Variants in RNLS observed in about 807,000 individuals in gnomAD.
RNLS encodes the protein renalase.
RNLS carries 39 observed loss-of-function variants against 39.8 expected under a neutral mutation model. The observed-to-expected ratio is 0.98, with a 90% CI of 0.76 to 1.28. The LOEUF is 1.28. RNLS is among the 50% of genes most tolerant of loss of function. The pLI, the probability that RNLS is intolerant of heterozygous loss-of-function variation, is 0.00. For missense variants in RNLS, 410 were observed against 413.3 expected, an observed-to-expected ratio of 0.99 and a Z score of 0.07; for synonymous variants, 147 against 150.7, an observed-to-expected ratio of 0.98 and a Z score of 0.18.
chr10:88,404,061 CA>C (rs896647314), intron 4 of RNLS, among the ~76,000 whole-genome samples: 62 of 151,158 alleles, frequency 4.1e-4, no homozygotes, highest in Non-Finnish European at 8.6e-4. Context: ...CAAAAAAGGA[CA>C]AAAAAAATGG....
At chr10:88,310,142 G>C (rs1438398068) in intron 6 of RNLS, among the ~76,000 whole-genome samples, 4 of 152,206 alleles carry the variant, frequency 2.6e-5, no homozygotes, top group Admixed American at 2.6e-4. Flanking sequence ...AGCCGGGGAA[G>C]TCGAGGCTGC....
chr10:88,310,824 A>AAAAAAAAAAAAAAAAAAAAG lies in RNLS; in HGVS notation c.876+3641_876+3642insCTTTTTTTTTTTTTTTTTTT, dbSNP rs1217903555. On this transcript the variant is annotated intron_variant, in intron 6 of 6. Transcript: ENST00000331772. ...GCCAAAAAAAAAAAAAAAAAAAAAA[A>AAAAAAAAAAAAAAAAAAAAG]AAAGAAAGAAAAGGAAGAGAAAAGG... Among the ~76,000 whole-genome samples the AAAAAAAAAAAAAAAAAAAAG allele has an allele frequency of 2.3e-3, 266 of 113,356 alleles. 14 individuals are homozygous for AAAAAAAAAAAAAAAAAAAAG. Among genetic ancestry groups the AAAAAAAAAAAAAAAAAAAAG allele is most frequent in the Middle Eastern group, 4.4e-3 (1 of 226 alleles). The allele number at this position is 113,356 out of a possible 152,430, so 74.4% of individuals were successfully genotyped here. A position where few individuals can be genotyped will look rare whatever the true frequency, so the allele number is the denominator to read the frequency against.
chr10:88,212,953 T>G, the RNLS span, among the ~76,000 whole-genome samples: 7 of 152,208 alleles, frequency 4.6e-5, no homozygotes, highest in South Asian at 2.1e-4. Flanking sequence ...TTACTTCAAA[T>G]GTGTGATTCA....
At chr10:88,235,058 G>A in the RNLS span, among the ~76,000 whole-genome samples, 4 of 151,886 alleles carry the variant, frequency 2.6e-5, no homozygotes, top group Non-Finnish European at 5.9e-5. Flanking sequence ...TCAGGAGATC[G>A]AGACCATCCT....
At chr10:88,304,665 C>T (rs1844793894) in intron 6 of RNLS, among the ~76,000 whole-genome samples, 2 of 152,198 alleles carry the variant, frequency 1.3e-5, no homozygotes, top group East Asian at 1.9e-4. Flanking sequence ...AAGGAGTGAA[C>T]TAAACCTCCA....
intron 4 of RNLS, among the ~76,000 whole-genome samples, chr10:88,518,299 T>C (rs1350621472): frequency 6.6e-6 from 1 of 152,002 alleles, no homozygotes; most frequent in South Asian, 2.1e-4. Context: ...ATAGTATGCA[T>C]CTGTTCATTT....
At chr10:88,536,149 T>G (rs1036217373) in intron 4 of RNLS, among the ~76,000 whole-genome samples, 3 of 152,112 alleles carry the variant, frequency 2.0e-5, no homozygotes, top group Non-Finnish European at 2.9e-5. Context: ...GGCCATATAC[T>G]GGGTATAATA....
chr10:88,383,139 C>T (rs1166423741), intron 4 of RNLS, among the ~76,000 whole-genome samples: 1 of 151,970 alleles, frequency 6.6e-6, no homozygotes, highest in Non-Finnish European at 1.5e-5. Context: ...CATCATTAGT[C>T]CTGTAAAGTT....
At chr10:88,517,492 G>A (rs954605825) in intron 4 of RNLS, among the ~76,000 whole-genome samples, 9 of 151,686 alleles carry the variant, frequency 5.9e-5, no homozygotes, top group Non-Finnish European at 1.0e-4. Context: ...TGTCTCAAAC[G>A]TTTACTTTGA....
At chr10:88,489,893 C>A (rs999575447) in intron 4 of RNLS, among the ~76,000 whole-genome samples, 52 of 152,106 alleles carry the variant, frequency 3.4e-4, no homozygotes, top group African/African-American at 1.2e-3. Flanking sequence ...TGACTGAACC[C>A]CTAACTCTTT....
intron 4 of RNLS, among the ~76,000 whole-genome samples, chr10:88,495,482 G>A (rs564293696): frequency 6.6e-6 from 1 of 152,194 alleles, no homozygotes; most frequent in Admixed American, 6.5e-5. Context: ...TATTATCTTT[G>A]TAAAAAAGTG....
At chr10:88,298,862 A>ATTGC (rs1441375759) in intron 6 of RNLS, among the ~76,000 whole-genome samples, 1 of 152,148 alleles carries the variant, frequency 6.6e-6, no homozygotes, top group Admixed American at 6.6e-5. Context: ...TGCAAAGGCC[A>ATTGC]TTGCAATTTT....
intron 4 of RNLS, among the ~76,000 whole-genome samples, chr10:88,380,524 C>T (rs546394133): frequency 5.9e-5 from 9 of 151,300 alleles, no homozygotes; most frequent in East Asian, 3.9e-4. Context: ...CACAGGCGCC[C>T]GCCACCATGC....
chr10:88,212,930 A>C, the RNLS span, among the ~76,000 whole-genome samples: 1 of 152,246 alleles, frequency 6.6e-6, no homozygotes, highest in Non-Finnish European at 1.5e-5. Flanking sequence ...GAAGCAGAAC[A>C]AAATAGTACC....
intron 4 of RNLS, among the ~76,000 whole-genome samples, chr10:88,475,877 GT>G (rs1843796937): frequency 3.9e-5 from 6 of 152,134 alleles, no homozygotes; most frequent in Admixed American, 3.9e-4. Context: ...GAAAAATCAA[GT>G]TTTAAAAATG....
chr10:88,554,174 CA>C (rs538631536), intron 4 of RNLS, among the ~76,000 whole-genome samples: 158 of 136,410 alleles, frequency 1.2e-3, no homozygotes, highest in Admixed American at 3.9e-3. Context: ...TAGTTTGATC[CA>C]AAAAAAAAAA....
At chr10:88,312,043 AG>A (rs1845422905) in intron 6 of RNLS, among the ~76,000 whole-genome samples, 5 of 152,352 alleles carry the variant, frequency 3.3e-5, no homozygotes, top group Admixed American at 2.6e-4. Context: ...GGGAGAAAGG[AG>A]GGTGTGGCAG....
At chr10:88,204,936 T>C in the RNLS span, among the ~76,000 whole-genome samples, 17 of 152,196 alleles carry the variant, frequency 1.1e-4, no homozygotes, top group East Asian at 3.3e-3. Flanking sequence ...AGTCGGAAGA[T>C]GAAATGAACA....
At chr10:88,374,639 T>C (rs1850826590) in intron 4 of RNLS, among the ~76,000 whole-genome samples, 1 of 152,082 alleles carries the variant, frequency 6.6e-6, no homozygotes, top group Non-Finnish European at 1.5e-5. Context: ...AAAGAACAAA[T>C]TCCAAAGATC....
Sources: gnomAD v4.1 joint callset for allele counts (sites outside exome capture counted in the v4.1 genomes callset) on GRCh38, gnomAD v4.1.1 for gene constraint, MANE v1.5 for transcripts, NCBI Gene and HGNC (gene_info 2026-07-23, HGNC 2026-07-21) for gene names.